The following CAMK2D variants were observed in gnomAD, a reference collection of about 807,000 sequenced individuals.
The protein encoded by CAMK2D is calcium/calmodulin-dependent protein kinase type II subunit delta.
In CAMK2D, 37 loss-of-function variants were observed where a neutral mutation model predicts 84.0. That is an observed-to-expected ratio of 0.44 (90% confidence interval 0.34 to 0.58). The LOEUF (loss-of-function observed/expected upper bound fraction) is 0.58. Ranked by LOEUF, CAMK2D falls within the 20% of genes least tolerant of loss-of-function variation. CAMK2D has a pLI of 0.02. For synonymous variants in CAMK2D, 202 were observed against 212.5 expected, an observed-to-expected ratio of 0.95 and a Z score of 0.43; for missense variants, 448 against 652.5, an observed-to-expected ratio of 0.69 and a Z score of 3.41.
chr4:113,744,280 G>A (rs1394675234), intron 2 of CAMK2D, among the ~76,000 whole-genome samples: 3 of 152,106 alleles, frequency 2.0e-5, no homozygotes, highest in Admixed American at 6.5e-5. Flanking sequence ...CTGAGCATAC[G>A]AAAACAAGTA....
chr4:113,506,386 A>T (rs1458598362), intron 13 of CAMK2D, among the ~76,000 whole-genome samples: 1 of 152,236 alleles, frequency 6.6e-6, no homozygotes, highest in Non-Finnish European at 1.5e-5. Flanking sequence ...AAAACTTCTA[A>T]ACTTTCCTTT....
At chr4:113,601,471 A>T (rs1356713027) in intron 4 of CAMK2D, among the ~76,000 whole-genome samples, 1 of 151,984 alleles carries the variant, frequency 6.6e-6, no homozygotes. Context: ...ACGTACTGGA[A>T]AACCAGTATT....
intron 2 of CAMK2D, among the ~76,000 whole-genome samples, chr4:113,757,129 G>A (rs1028567555): frequency 6.6e-5 from 10 of 152,060 alleles, no homozygotes; most frequent in Non-Finnish European, 1.5e-4. Flanking sequence ...GAGACTAAAC[G>A]AAATTTATGC....
intron 15 of CAMK2D, among the ~76,000 whole-genome samples, chr4:113,501,052 T>C (rs890812703): frequency 6.6e-5 from 10 of 152,120 alleles, no homozygotes; most frequent in African/African-American, 2.4e-4. Context: ...AGCTGAGATA[T>C]GCTGAAAGTA....
intron 2 of CAMK2D, among the ~76,000 whole-genome samples, chr4:113,744,184 T>A (rs1299689324): frequency 6.6e-6 from 1 of 152,200 alleles, no homozygotes; most frequent in Non-Finnish European, 1.5e-5. Context: ...TATCGCCATT[T>A]GTTCCTTAAT....
chr4:113,638,218 T>G (rs377139789), intron 3 of CAMK2D, among the ~76,000 whole-genome samples: 1 of 152,064 alleles, frequency 6.6e-6, no homozygotes, highest in South Asian at 2.1e-4. Flanking sequence ...TTAAAAACAA[T>G]GGAGCTTGAA....
chr4:113,673,661 T>C (rs1003334592), intron 2 of CAMK2D, among the ~76,000 whole-genome samples: 1 of 152,216 alleles, frequency 6.6e-6, no homozygotes, highest in Non-Finnish European at 1.5e-5. Context: ...CCCAGTCCCT[T>C]ACAGCTCTTC....
At chr4:113,717,634 T>A (rs952395807) in intron 2 of CAMK2D, among the ~76,000 whole-genome samples, 1 of 152,136 alleles carries the variant, frequency 6.6e-6, no homozygotes, top group African/African-American at 2.4e-5. Flanking sequence ...CTACTAAATC[T>A]CTATTCTCTA....
At chr4:113,525,045 A>G (rs554835050) in intron 8 of CAMK2D, among the ~76,000 whole-genome samples, 1 of 152,188 alleles carries the variant, frequency 6.6e-6, no homozygotes, top group Non-Finnish European at 1.5e-5. Flanking sequence ...CAAAATGACT[A>G]AAGTAACTGA....
chr4:113,691,057 A>T (rs2099385594), intron 2 of CAMK2D, among the ~76,000 whole-genome samples: 1 of 152,212 alleles, frequency 6.6e-6, no homozygotes, highest in Admixed American at 6.5e-5. Context: ...GATTTACAAC[A>T]CAGAATATTC....
At chr4:113,730,381 C>T (rs1260904695) in intron 2 of CAMK2D, among the ~76,000 whole-genome samples, 2 of 152,096 alleles carry the variant, frequency 1.3e-5, no homozygotes, top group African/African-American at 4.8e-5. Context: ...TAGAAAGTCT[C>T]CTGAGATGAA....
intron 2 of CAMK2D, among the ~76,000 whole-genome samples, chr4:113,752,319 T>C (rs1041795286): frequency 5.7e-4 from 86 of 152,180 alleles, no homozygotes; most frequent in African/African-American, 2.0e-3. Flanking sequence ...AGGAAACCTA[T>C]TGTAAAACAA....
chr4:113,642,235 C>T (rs992543071), intron 3 of CAMK2D, among the ~76,000 whole-genome samples: 2 of 152,068 alleles, frequency 1.3e-5, no homozygotes, highest in Admixed American at 1.3e-4. Context: ...TACTGTGCTC[C>T]AAAAACAGGA....
intron 4 of CAMK2D, among the ~76,000 whole-genome samples, chr4:113,575,546 G>A (rs2098776767): frequency 6.6e-6 from 1 of 152,148 alleles, no homozygotes; most frequent in African/African-American, 2.4e-5. Flanking sequence ...AAGAACTACA[G>A]AGGTTAGTAG....
intron 16 of CAMK2D, among the ~76,000 whole-genome samples, chr4:113,485,371 T>G (rs1241651803): frequency 6.6e-6 from 1 of 152,218 alleles, no homozygotes; most frequent in African/African-American, 2.4e-5. Flanking sequence ...AGTCCCTCAC[T>G]AAATATTTGC....
chr4:113,588,071 A>G (rs1159677425), intron 4 of CAMK2D, among the ~76,000 whole-genome samples: 2 of 152,158 alleles, frequency 1.3e-5, no homozygotes, highest in African/African-American at 2.4e-5. Context: ...CAAACAAAAG[A>G]GTCTTTCTTT....
chr4:113,644,570 A>G (rs953177367), intron 3 of CAMK2D, among the ~76,000 whole-genome samples: 3 of 152,206 alleles, frequency 2.0e-5, no homozygotes, highest in African/African-American at 7.2e-5. Flanking sequence ...GGCAACCGAG[A>G]AGGTAGGTAA....
At chr4:113,620,884 A>G (rs1464272054) in intron 3 of CAMK2D, among the ~76,000 whole-genome samples, 1 of 152,108 alleles carries the variant, frequency 6.6e-6, no homozygotes, top group African/African-American at 2.4e-5. Flanking sequence ...TATTACTATT[A>G]TATTTCCAAA....
At chr4:113,546,390 G>A (rs536927816) in intron 6 of CAMK2D, among the ~76,000 whole-genome samples, 14 of 152,264 alleles carry the variant, frequency 9.2e-5, no homozygotes, top group African/African-American at 3.1e-4. Flanking sequence ...TATACAGTCC[G>A]ATCTTGGCTC....
Sources: gnomAD v4.1 joint callset for allele counts (sites outside exome capture counted in the v4.1 genomes callset) on GRCh38, gnomAD v4.1.1 for gene constraint, MANE v1.5 for transcripts, NCBI Gene and HGNC (gene_info 2026-07-23, HGNC 2026-07-21) for gene names.